The following ATF1 variants were observed in gnomAD, a reference collection of about 807,000 sequenced individuals.
ATF1 encodes the protein cyclic AMP-dependent transcription factor ATF-1.
ATF1 carries 16 observed loss-of-function variants against 34.7 expected under a neutral mutation model. The ratio of observed to expected loss-of-function variants is 0.46; its 90% CI spans 0.31 to 0.70. ATF1 has a LOEUF of 0.70. ATF1 is among the 30% of genes least tolerant of loss of function. The pLI is 0.05. For synonymous variants in ATF1, 105 were observed against 113.1 expected, an observed-to-expected ratio of 0.93 and a Z score of 0.46; for missense variants, 255 against 321.6, an observed-to-expected ratio of 0.79 and a Z score of 1.58.
At chr12:50,819,033 A>G (rs1941897415) in intron 6 of ATF1, among the ~76,000 whole-genome samples, 1 of 151,946 alleles carries the variant, frequency 6.6e-6, no homozygotes, top group Non-Finnish European at 1.5e-5. Context: ...AAAAGAAGTC[A>G]TGTGTCAGAA....
intron 2 of ATF1, among the ~76,000 whole-genome samples, chr12:50,794,767 G>A (rs1018474722): frequency 6.7e-5 from 10 of 150,218 alleles, no homozygotes; most frequent in African/African-American, 1.2e-4. Flanking sequence ...AAAAAAAAAT[G>A]AATTAGCTGG....
chr12:50,790,106 T>G (rs923745763), intron 2 of ATF1, among the ~76,000 whole-genome samples: 35 of 152,252 alleles, frequency 2.3e-4, no homozygotes, highest in African/African-American at 8.4e-4. Context: ...GCTGAGTGGC[T>G]TCAGTTATTG....
intron 1 of ATF1, 130 bp from the exon 2 acceptor site, chr12:50,780,010 A>G (rs778337405): frequency 2.5e-5 from 14 of 550,698 alleles, no homozygotes; most frequent in Non-Finnish European, 1.8e-5. Context: ...TCCCCTTTCT[A>G]TCTCTATACC....
intron 1 of ATF1, among the ~76,000 whole-genome samples, chr12:50,768,202 G>A (rs1940686701): frequency 6.6e-6 from 1 of 151,992 alleles, no homozygotes; most frequent in Admixed American, 6.6e-5. Context: ...CAACAGTCCA[G>A]GTTCAATTAC....
At chr12:50,800,723 C>A (rs1565913344) in intron 3 of ATF1, among the ~76,000 whole-genome samples, 2 of 152,188 alleles carry the variant, frequency 1.3e-5, no homozygotes, top group Admixed American at 1.3e-4. Flanking sequence ...CTGAAACCAT[C>A]CCCTGACTTC....
At chr12:50,790,197 A>AT (rs71086483) in intron 2 of ATF1, among the ~76,000 whole-genome samples, 68,607 of 119,368 alleles carry the variant, frequency 0.57, 20,271 homozygotes, top group South Asian at 0.69. Flanking sequence ...TGTGGGTTCT[A>AT]TTTTTTTTTT....
rs1941790221 is a variant in ATF1, at chr12:50,814,033, T to G, written c.352T>G (p.Leu118Val). 1 of 1,613,772 alleles carries G rather than the reference T, an allele frequency of 6.2e-7. No individual in the cohort carries two copies. The highest frequency in any genetic ancestry group is 8.5e-7 in the Non-Finnish European group (1 of 1,179,920). ...AGTTGCCATTGCCCCAAATGGAGCC[T>G]TACAGTTGGCAAGTCCAGGCACAGA... ...QYIAIAPNGA[L>V]QLASPGTDGV... The change falls in exon 5 of 7, where the codon TTA (leucine) becomes GTA (valine). Residue 118 changes from leucine (L) to valine (V), a missense_variant. Physicochemically the swap from Leu to Val is conservative, Grantham distance 32. Coordinates refer to ENST00000262053, the MANE Select transcript of ATF1 (RefSeq NM_005171.5).
chr12:50,786,663 A>G (rs1386290571), intron 2 of ATF1, among the ~76,000 whole-genome samples: 1 of 152,194 alleles, frequency 6.6e-6, no homozygotes, highest in Non-Finnish European at 1.5e-5. Flanking sequence ...GTAAAAAGAA[A>G]AAGAAAACCC....
At chr12:50,765,179 G>A (rs1940601397) in intron 1 of ATF1, among the ~76,000 whole-genome samples, 2 of 152,184 alleles carry the variant, frequency 1.3e-5, no homozygotes, top group Non-Finnish European at 1.5e-5. Context: ...GGATCTGGCA[G>A]GCATCTTTGT....
At chr12:50,767,943 G>C (rs1940679392) in intron 1 of ATF1, among the ~76,000 whole-genome samples, 1 of 151,216 alleles carries the variant, frequency 6.6e-6, no homozygotes, top group South Asian at 2.1e-4. Context: ...TGCGATCTCA[G>C]CTCACTGCAA....
At chr12:50,813,793 G>A (rs966632836) in intron 4 of ATF1, among the ~76,000 whole-genome samples, 8 of 150,872 alleles carry the variant, frequency 5.3e-5, no homozygotes, top group Admixed American at 2.0e-4. Context: ...CAGCCTGGGC[G>A]GTAGAGCGAG....
intron 1 of ATF1, among the ~76,000 whole-genome samples, chr12:50,779,704 A>G (rs1487722442): frequency 1.3e-5 from 2 of 152,068 alleles, no homozygotes; most frequent in African/African-American, 4.8e-5. Context: ...CATATCCTGA[A>G]GTTGATTATC....
intron 6 of ATF1, among the ~76,000 whole-genome samples, chr12:50,815,687 A>G (rs1313396590): frequency 6.6e-6 from 1 of 151,934 alleles, no homozygotes; most frequent in Non-Finnish European, 1.5e-5. Context: ...CACTGCACCC[A>G]GCCCCCAAAA....
At chr12:50,787,190 G>A (rs1941203762) in intron 2 of ATF1, among the ~76,000 whole-genome samples, 2 of 152,138 alleles carry the variant, frequency 1.3e-5, no homozygotes, top group South Asian at 4.1e-4. Flanking sequence ...TACCCATGAT[G>A]TCTGTCATTC....
In ATF1 at chr12:50,814,402, C is replaced by T. The variant is rs749648702; in HGVS notation, c.634C>T (p.Pro212Ser). 4 of 1,613,896 alleles carry T rather than the reference C, an allele frequency of 2.5e-6. No homozygotes were observed. The Admixed American group carries it at 5.0e-5, about 20-fold the overall frequency. The change falls in exon 6 of 7, where the codon CCC becomes TCC. Residue 212 changes from proline (P) to serine (S), a missense_variant. Physicochemically the swap from Pro to Ser is moderately conservative, Grantham distance 74. Around this residue, in one of 2 missense-constraint regions of ATF1, gnomAD observed 34 missense variants for 70.8 expected, o/e 0.48. Coordinates refer to ENST00000262053, the MANE Select transcript of ATF1 (RefSeq NM_005171.5). ...LTSQTTKTDD[P>S]QLKREIRLMK... ...CTCTCAGACAACTAAGACAGATGAC[C>T]CCCAATTGAAAAGAGAAATAAGGTT... is the stretch of plus-strand genomic sequence containing the variant.
rs146231358 is a variant in ATF1, at chr12:50,795,950, C to T, written c.135C>T (p.Ser45=). The change falls in exon 3 of 7, where the codon TCC becomes TCT. Residue 45 remains serine, a synonymous_variant. Transcript: ENST00000262053. ...AAAGTGAGGAGTCCCAGGACTCATC[C>T]GACAGCATAGGCTCCTCACAGAAAG... is the stretch of plus-strand genomic sequence containing the variant. The part of the protein sequence containing the change: ...LSESEESQDS[S]DSIGSSQKAH... 243 of 1,613,156 alleles carry T rather than the reference C, an allele frequency of 1.5e-4. No homozygotes were observed. In the African/African-American group the frequency reaches 2.7e-3, roughly 18 times the overall value.
intron 2 of ATF1, among the ~76,000 whole-genome samples, chr12:50,789,225 G>A (rs1328022852): frequency 6.6e-6 from 1 of 151,956 alleles, no homozygotes; most frequent in Non-Finnish European, 1.5e-5. Flanking sequence ...GCGCCACCAT[G>A]CCCCGCTAAT....
intron 4 of ATF1, among the ~76,000 whole-genome samples, chr12:50,811,798 A>T (rs1190820383): frequency 6.6e-6 from 1 of 152,000 alleles, no homozygotes. Flanking sequence ...TCAGAAAAAG[A>T]AGAAAGAAAG....
At position 50,814,167 on chromosome 12, in the gene ATF1, G is replaced by C. The variant is rs1277260339; in HGVS notation, c.486G>C (p.Val162=). 4 of 1,613,944 alleles carry C rather than the reference G, an allele frequency of 2.5e-6. No homozygotes were observed. In the Admixed American group the frequency reaches 6.7e-5, roughly 27 times the overall value. ...CCTCTGATGGACAGCAGATACTTGT[G>C]CCCAGCAATCAGGTGGTCGTACAAA... ...AQTSDGQQIL[V]PSNQVVVQTA... Residue 162 remains valine (V), a synonymous_variant, in exon 5 of 7, where the codon GTG becomes GTC. Transcript: ENST00000262053.
Sources: gnomAD v4.1 joint callset for allele counts (sites outside exome capture counted in the v4.1 genomes callset) on GRCh38, gnomAD v4.1.1 for gene constraint, gnomAD v4.1.1 regional missense constraint, MANE v1.5 for transcripts, NCBI Gene and HGNC (gene_info 2026-07-23, HGNC 2026-07-21) for gene names.